The following MYBL2 variants were observed in gnomAD, a reference collection of about 807,000 sequenced individuals.
MYBL2 encodes the protein myb-related protein B.
MYBL2 carries 28 observed loss-of-function variants against 79.9 expected under a neutral mutation model. The observed-to-expected ratio is 0.35, with a 90% CI of 0.26 to 0.48. The LOEUF (loss-of-function observed/expected upper bound fraction) is 0.48. Among genes scored for constraint, MYBL2 ranks in the 20% least tolerant of loss-of-function variants. The probability of loss-of-function intolerance (pLI) is 0.99; values close to 1 mark genes in which losing one functional copy is unlikely to be tolerated. For missense variants in MYBL2, 735 were observed against 893.9 expected, an observed-to-expected ratio of 0.82 and a Z score of 2.27; for synonymous variants, 378 against 361.2, an observed-to-expected ratio of 1.05 and a Z score of -0.53.
At chr20:43,685,465 G>T (rs2145716888) in intron 4 of MYBL2, among the ~76,000 whole-genome samples, 1 of 152,176 alleles carries the variant, frequency 6.6e-6, no homozygotes, top group Non-Finnish European at 1.5e-5. Flanking sequence ...ACAGGTGTGA[G>T]CCACCGGGCC....
Position 43,688,911 on chromosome 20 carries a change from T to G in MYBL2, c.500+1839T>G, listed in dbSNP as rs559474328. 2.6e-5 allele frequency among the ~76,000 whole-genome samples: 4 copies of G among 152,280 alleles called. No individual in the cohort carries two copies. In the South Asian group the frequency reaches 8.3e-4, roughly 32 times the overall value. On this transcript the variant is annotated intron_variant, in intron 5 of 13. Coordinates refer to ENST00000217026, the MANE Select transcript of MYBL2 (RefSeq NM_002466.4). ...TTCAAGTGATTCTCCTGCCTCAGCC[T>G]CCTGAGTAGCTGGGATTATAGGCGC...
chr20:43,673,517 G>T (rs1986917038), intron 1 of MYBL2, among the ~76,000 whole-genome samples: 2 of 151,802 alleles, frequency 1.3e-5, no homozygotes, highest in South Asian at 4.2e-4. Context: ...TACCCCTGTA[G>T]TCACAGCTAC....
At position 43,684,474 on chromosome 20, in the gene MYBL2, A is replaced by G. The variant is rs564453142; in HGVS notation, c.279+1588A>G. On this transcript the variant is annotated intron_variant, in intron 4 of 13. Transcript: ENST00000217026. Reference sequence around the variant, plus strand: ...CTGGTCTTGAACTCCTGACCTTGTGATCTACCCACCTCAGCCTCCCAAAGT... The same window carrying G: ...CTGGTCTTGAACTCCTGACCTTGTGGTCTACCCACCTCAGCCTCCCAAAGT... 3.5e-3 allele frequency among the ~76,000 whole-genome samples: 528 copies of G among 149,938 alleles called. 4 individuals carry two copies. The highest frequency in any genetic ancestry group is 0.018 in the Middle Eastern group (5 of 282).
At chr20:43,713,179 C>T (rs1987950791) in intron 12 of MYBL2, 73 bp downstream of exon 12, 1 of 1,331,548 alleles carries the variant, frequency 7.5e-7, no homozygotes, top group Non-Finnish European at 1.1e-6. Flanking sequence ...TAGTGACTCT[C>T]CAACTGGGCT....
chr20:43,698,105 T>C, intron 6 of MYBL2, among the ~76,000 whole-genome samples: 1 of 150,844 alleles, frequency 6.6e-6, no homozygotes, highest in Non-Finnish European at 1.5e-5. Flanking sequence ...TTGTACATTT[T>C]ATTTGTATAT....
intron 12 of MYBL2, among the ~76,000 whole-genome samples, chr20:43,714,412 T>C (rs1210846713): frequency 1.1e-4 from 16 of 152,208 alleles, no homozygotes; most frequent in Non-Finnish European, 1.5e-5. Flanking sequence ...ATGTTATTAC[T>C]GGATAATGCT....
At chr20:43,676,543 G>A (rs2145709341) in intron 2 of MYBL2, among the ~76,000 whole-genome samples, 1 of 152,306 alleles carries the variant, frequency 6.6e-6, no homozygotes. Flanking sequence ...CATTGTATGG[G>A]TATACCACAC....
At chr20:43,674,212 C>T (rs1293291243) in intron 2 of MYBL2, among the ~76,000 whole-genome samples, 1 of 127,268 alleles carries the variant, frequency 7.9e-6, no homozygotes, top group Non-Finnish European at 1.6e-5. Flanking sequence ...GAGGTTTGGC[C>T]AAATCTGTAA....
chr20:43,711,374 C>G (rs1987901798), intron 10 of MYBL2, 114 bp from the exon 11 acceptor site: 2 of 705,656 alleles, frequency 2.8e-6, no homozygotes, highest in South Asian at 3.6e-5. Context: ...GGCGTCAGGC[C>G]TCCTTCCTGC....
chr20:43,687,108 G>A (rs1432139671), intron 5 of MYBL2, 36 bp downstream of exon 5: 22 of 1,597,076 alleles, frequency 1.4e-5, no homozygotes, highest in African/African-American at 2.7e-5. Flanking sequence ...ACAGGTTCCC[G>A]GGAGGCCAGG....
chr20:43,706,236 C>T (rs755042754), intron 9 of MYBL2, among the ~76,000 whole-genome samples: 54 of 152,266 alleles, frequency 3.5e-4, no homozygotes, highest in Non-Finnish European at 6.3e-4. Context: ...GTTTGAGCAG[C>T]CTTATGTGCA....
chr20:43,711,632 C>A, intron 11 of MYBL2, 31 bp downstream of exon 11: 1 of 1,580,716 alleles, frequency 6.3e-7, no homozygotes, highest in Non-Finnish European at 8.6e-7. Context: ...AGAGCCTGGG[C>A]AGGGGGAATT....
At chr20:43,709,782 T>C (rs533812283) in intron 9 of MYBL2, among the ~76,000 whole-genome samples, 181 bp from the exon 10 acceptor site, 1 of 152,268 alleles carries the variant, frequency 6.6e-6, no homozygotes, top group East Asian at 1.9e-4. Context: ...CCTCTTAGAC[T>C]CCCCTCTCCC....
At chr20:43,691,520 ACT>A (rs2145721079) in intron 5 of MYBL2, among the ~76,000 whole-genome samples, 1 of 148,088 alleles carries the variant, frequency 6.8e-6, no homozygotes, top group South Asian at 2.2e-4. Context: ...GGCGTGAGCC[ACT>A]GTTCCTGGTC....
chr20:43,685,120 C>CT (rs1270869119), intron 4 of MYBL2, among the ~76,000 whole-genome samples: 1 of 145,886 alleles, frequency 6.9e-6, no homozygotes, highest in Non-Finnish European at 1.5e-5. Context: ...GTACTCCAGC[C>CT]TGGGCAGCAG....
intron 2 of MYBL2, among the ~76,000 whole-genome samples, chr20:43,676,024 C>T (rs1987002711): frequency 6.6e-6 from 1 of 151,740 alleles, no homozygotes; most frequent in African/African-American, 2.4e-5. Context: ...CCTACCTCAG[C>T]CTCTCAAGTA....
chr20:43,686,185 A>T (rs954055013), intron 4 of MYBL2, among the ~76,000 whole-genome samples: 1 of 151,852 alleles, frequency 6.6e-6, no homozygotes, highest in African/African-American at 2.4e-5. Context: ...AGAAGCATCC[A>T]CTCTTCCCAG....
In MYBL2 at chr20:43,681,822, G is replaced by A. The variant is rs1052931417; in HGVS notation, c.153G>A (p.Gln51=). Residue 51 remains glutamine (Q), a synonymous_variant, in exon 3 of 14, where the codon CAG becomes CAA. Transcript: ENST00000217026. ...GGGCCCTGGTGAGGCAGTTTGGACA[G>A]CAGGACTGGAAGTTCCTGGCCAGCC... is the stretch of plus-strand genomic sequence containing the variant. The part of the protein sequence containing the change: ...QLRALVRQFG[Q]QDWKFLASHF... The A allele has an allele frequency of 6.2e-7, 1 of 1,614,200 alleles. No homozygotes were observed. The highest frequency in any genetic ancestry group is 8.5e-7 in the Non-Finnish European group (1 of 1,180,040).
intron 3 of MYBL2, among the ~76,000 whole-genome samples, chr20:43,682,553 G>A (rs1028515986): frequency 1.3e-5 from 2 of 152,220 alleles, no homozygotes; most frequent in Non-Finnish European, 2.9e-5. Context: ...CCTTGTGTTC[G>A]GTTGGTAGGG....
Sources: gnomAD v4.1 joint callset for allele counts (sites outside exome capture counted in the v4.1 genomes callset) on GRCh38, gnomAD v4.1.1 for gene constraint, MANE v1.5 for transcripts, NCBI Gene and HGNC (gene_info 2026-07-23, HGNC 2026-07-21) for gene names.